The following VPS37D variants were observed in gnomAD, a reference collection of about 807,000 sequenced individuals.
VPS37D encodes the protein vacuolar protein sorting-associated protein 37D.
A neutral mutation model predicts 22.0 loss-of-function variants in VPS37D; 5 were observed. The observed-to-expected ratio is 0.23, with a 90% confidence interval of 0.12 to 0.48. VPS37D has a LOEUF of 0.48. Ranked by LOEUF, VPS37D falls within the 20% of genes least tolerant of loss-of-function variation. The pLI is 0.99. For synonymous variants in VPS37D, 174 were observed against 159.3 expected (o/e 1.09, Z -0.69); for missense variants, 384 against 345.8 (o/e 1.11, Z -0.88).
Position 73,668,080 on chromosome 7 carries a change from T to C in VPS37D, c.122T>C (p.Val41Ala). 2 of 1,115,808 alleles carry C rather than the reference T, an allele frequency of 1.8e-6. No homozygotes were observed. The highest frequency in any genetic ancestry group is 2.2e-6 in the Non-Finnish European group (2 of 905,930). 69.1% of individuals were successfully genotyped at this position (1,115,808 alleles called of 1,614,324 possible). ...LQDEPKLDRI[V>A]RLSRKFQGLQ... ...GATGAGCCCAAGCTGGACCGGATCG[T>C]GCGGCTCAGCAGGAAGGTAGCGCGG... is the stretch of plus-strand genomic sequence containing the variant. The change falls in exon 1 of 4, where the codon GTG becomes GCG. Residue 41 changes from valine (V) to alanine (A), a missense_variant. By Grantham distance (64) the Val-to-Ala change is moderately conservative. Coordinates refer to ENST00000324941, the MANE Select transcript of VPS37D (RefSeq NM_001077621.2).
At chr7:73,670,162 C>T (rs1289704592) in intron 3 of VPS37D, 60 bp downstream of exon 3, 8 of 1,548,064 alleles carry the variant, frequency 5.2e-6, no homozygotes, top group Non-Finnish European at 7.0e-6. Context: ...CTGCCACCCC[C>T]TGGCTCATTC....
chr7:73,669,355 C>G, intron 1 of VPS37D, 64 bp from the exon 2 acceptor site: 1 of 1,468,360 alleles, frequency 6.8e-7, no homozygotes, highest in Non-Finnish European at 9.1e-7. Context: ...GTAGGGTGGA[C>G]GGGGCAGTAG....
rs1296000767 is a variant in VPS37D, at chr7:73,668,116, C to CG, written c.138+26dup. ...AGGAAGGTAGCGCGGGGGGCTCGAG[C>CG]GGGGGGCGCGGGGGACGGGCAGCGG... is the stretch of plus-strand genomic sequence containing the variant. On this transcript the variant is annotated intron_variant, in intron 1 of 3. Transcript: ENST00000324941. 4 of 1,069,892 alleles carry CG rather than the reference C, an allele frequency of 3.7e-6. No individual in the cohort carries two copies. Among genetic ancestry groups the CG allele is most frequent in the African/African-American group, 1.7e-5 (1 of 58,232 alleles). 66.3% of individuals were successfully genotyped at this position (1,069,892 alleles called of 1,614,324 possible). A position where few individuals can be genotyped will look rare whatever the true frequency, so the allele number is the denominator to read the frequency against.
rs1415032994 is a variant in VPS37D at position 73,671,523 on chromosome 7, G to A, written c.*147G>A. 2.3e-5 allele frequency: 7 copies of A among 300,046 alleles called. No homozygotes were observed. The highest frequency in any genetic ancestry group is 8.9e-5 in the African/African-American group (4 of 44,924). 18.6% of individuals were successfully genotyped at this position (300,046 alleles called of 1,614,324 possible). A position where few individuals can be genotyped will look rare whatever the true frequency, so the allele number is the denominator to read the frequency against. On this transcript the variant is annotated 3_prime_UTR_variant, in exon 4 of 4. Transcript: ENST00000324941. ...TGGCCCTGGAGGCTGAGCTGGGGAG[G>A]AGGGTCCCCTGGAAGAGGCCCGAGA...
chr7:73,668,395 G>T (rs1327871435), intron 1 of VPS37D, among the ~76,000 whole-genome samples: 1 of 151,928 alleles, frequency 6.6e-6, no homozygotes, highest in Non-Finnish European at 1.5e-5. Context: ...GTTGTGGGGG[G>T]CCCTGGCTCG....
chr7:73,666,353 C>T (rs1797371288), upstream of VPS37D, among the ~76,000 whole-genome samples: 2 of 152,164 alleles, frequency 1.3e-5, no homozygotes. Flanking sequence ...GGACACTGTA[C>T]AAATGAGAAG....
chr7:73,669,623 T>C (rs1393058806), intron 2 of VPS37D, 33 bp downstream of exon 2: 1 of 1,559,416 alleles, frequency 6.4e-7, no homozygotes, highest in Non-Finnish European at 8.7e-7. Context: ...CCCCTGGGGC[T>C]GGTGGGGGCA....
intron 1 of VPS37D, among the ~76,000 whole-genome samples, 161 bp downstream of exon 1, chr7:73,668,257 G>A (rs1797427189): frequency 6.6e-6 from 1 of 151,572 alleles, no homozygotes; most frequent in Non-Finnish European, 1.5e-5. Flanking sequence ...CGGGGGAGGG[G>A]GCGCTTGGAG....
rs1345353205 is a variant in VPS37D at position 73,669,723 on chromosome 7, A to C, written c.310+133A>C. On this transcript the variant is annotated intron_variant, in intron 2 of 3. Coordinates refer to ENST00000324941, the MANE Select transcript of VPS37D (RefSeq NM_001077621.2). ...CTGCTCCTGGCTTGCTGGGCAGTAGAGTTGAGGAAGTGAGAGGAAGTGGGG... is the reference window on the plus strand; with the variant it reads ...CTGCTCCTGGCTTGCTGGGCAGTAGCGTTGAGGAAGTGAGAGGAAGTGGGG... 6.9e-6 allele frequency: 3 copies of C among 437,786 alleles called. No individual in the cohort carries two copies. The Admixed American group carries it at 1.3e-4, about 20-fold the overall frequency. The allele number at this position is 437,786 out of a possible 1,614,324, so 27.1% of individuals were successfully genotyped here. A position where few individuals can be genotyped will look rare whatever the true frequency, so the allele number is the denominator to read the frequency against.
At chr7:73,669,299 G>C in intron 1 of VPS37D, 120 bp from the exon 2 acceptor site, 1 of 1,312,336 alleles carries the variant, frequency 7.6e-7, no homozygotes, top group Non-Finnish European at 1.0e-6. Flanking sequence ...CCCTGAAGGG[G>C]TGCCTGACAG....
intron 3 of VPS37D, among the ~76,000 whole-genome samples, chr7:73,670,605 C>T (rs547658135): frequency 1.3e-5 from 2 of 152,136 alleles, no homozygotes; most frequent in East Asian, 3.9e-4. Context: ...GTCAGGAGTT[C>T]GAGACCAGCC....
upstream of VPS37D, among the ~76,000 whole-genome samples, chr7:73,666,914 AC>A: frequency 6.6e-6 from 1 of 151,374 alleles, no homozygotes; most frequent in African/African-American, 2.4e-5. Flanking sequence ...GACGCATGCC[AC>A]CATGTCCGGA....
At chr7:73,668,369 T>C (rs1563538932) in intron 1 of VPS37D, among the ~76,000 whole-genome samples, 1 of 151,530 alleles carries the variant, frequency 6.6e-6, no homozygotes, top group Non-Finnish European at 1.5e-5. Context: ...CGGGGAGGTG[T>C]GTTCCGGGGG....
chr7:73,667,199 C>T (rs1261885174), upstream of VPS37D, among the ~76,000 whole-genome samples: 2 of 152,058 alleles, frequency 1.3e-5, no homozygotes, highest in African/African-American at 2.4e-5. Flanking sequence ...TGGTCTCGAT[C>T]TCCTGACCTC....
rs781828885 is a variant in VPS37D at position 73,669,601 on chromosome 7, G to A, written c.310+11G>A. 11 of 1,582,184 alleles carry A rather than the reference G, an allele frequency of 7.0e-6. No individual in the cohort carries two copies. The highest frequency in any genetic ancestry group is 6.9e-6 in the Non-Finnish European group (8 of 1,163,244). ...AGCTGCAGCGACTGGGTGAGGGCAC[G>A]TCTGGGAGAACCCCCTGGGGCTGGT... On this transcript the variant is annotated intron_variant, in intron 2 of 3. Transcript: ENST00000324941.
At chr7:73,669,962 G>T in intron 2 of VPS37D, 58 bp from the exon 3 acceptor site, 1 of 1,550,816 alleles carries the variant, frequency 6.4e-7, no homozygotes, top group Non-Finnish European at 8.7e-7. Flanking sequence ...GGGTCAGCGG[G>T]AGAGTGCAAG....
chr7:73,670,810 GAA>G (rs11414202), intron 3 of VPS37D, among the ~76,000 whole-genome samples: 1 of 142,638 alleles, frequency 7.0e-6, no homozygotes, highest in African/African-American at 2.6e-5. Context: ...TCTGTCTCAG[GAA>G]AAAAAAAAAA....
rs782503806 is a variant in VPS37D at position 73,671,140 on chromosome 7, C to G, written c.520C>G (p.Arg174Gly). 1.3e-5 allele frequency: 21 copies of G among 1,607,226 alleles called. No individual in the cohort carries two copies. Among genetic ancestry groups the G allele is most frequent in the Non-Finnish European group, 1.8e-5 (21 of 1,178,940 alleles). Residue 174 changes from arginine (R) to glycine (G), a missense_variant, in exon 4 of 4, where the codon CGT becomes GGT. Coordinates refer to ENST00000324941, the MANE Select transcript of VPS37D (RefSeq NM_001077621.2). ...QAEKLQELLRRRERSAQPAPT... is the reference protein window; with the variant it reads ...QAEKLQELLRGRERSAQPAPT... ...AGAGAAGCTGCAGGAGCTGCTGCGG[C>G]GTCGGGAGCGTTCTGCCCAGCCGGC... is the stretch of plus-strand genomic sequence containing the variant.
In VPS37D at chr7:73,671,108, C is replaced by G. The variant is rs543109499; in HGVS notation, c.488C>G (p.Thr163Arg). The G allele has an allele frequency of 6.2e-7, 1 of 1,609,638 alleles. No individual in the cohort carries two copies. Among genetic ancestry groups the G allele is most frequent in the Non-Finnish European group, 8.5e-7 (1 of 1,179,482 alleles). The part of the protein sequence containing the change: ...RGRALAHLRR[T>R]QAEKLQELLR... Reference sequence around the variant, plus strand: ...CGCGCCCTGGCCCACCTGAGGCGGACGCAGGCAGAGAAGCTGCAGGAGCTG... The same window carrying G: ...CGCGCCCTGGCCCACCTGAGGCGGAGGCAGGCAGAGAAGCTGCAGGAGCTG... The change falls in exon 4 of 4, where the codon ACG (threonine) becomes AGG (arginine). Residue 163 changes from threonine (T) to arginine (R), a missense_variant. Thr to Arg is a moderately conservative substitution (Grantham distance 71, BLOSUM62 -1). Coordinates refer to ENST00000324941, the MANE Select transcript of VPS37D (RefSeq NM_001077621.2).
Sources: allele counts gnomAD v4.1 joint callset (sites outside exome capture counted in the v4.1 genomes callset), GRCh38; gene constraint gnomAD v4.1.1; transcripts MANE v1.5; gene names NCBI Gene and HGNC (gene_info 2026-07-23, HGNC 2026-07-21).